TTBK2: variants seen among roughly 807,000 people sequenced by gnomAD.
TTBK2 encodes tau-tubulin kinase 2.
Under a neutral mutation model 110.8 loss-of-function variants are expected in TTBK2, and 28 were observed. The ratio of observed to expected loss-of-function variants is 0.25; its 90% CI spans 0.19 to 0.35. TTBK2 has a LOEUF of 0.35. TTBK2 is among the 10% of genes least tolerant of loss of function. The pLI is 1.00. For missense variants in TTBK2, 1,369 were observed against 1,500.3 expected, an observed-to-expected ratio of 0.91 and a Z score of 1.45; for synonymous variants, 532 against 527.3, an observed-to-expected ratio of 1.01 and a Z score of -0.12.
At chr15:42,855,376 A>G (rs999533250) in intron 3 of TTBK2, among the ~76,000 whole-genome samples, 6 of 152,192 alleles carry the variant, frequency 3.9e-5, no homozygotes, top group African/African-American at 1.4e-4. Context: ...AAGGAAACAG[A>G]GTTACTAGGA....
At chr15:42,857,623 G>A (rs1893994755) in intron 3 of TTBK2, 1 of 152,064 alleles carries the variant, frequency 6.6e-6, no homozygotes. Context: ...CTGGTCACCT[G>A]AGGAAATTCT....
At chr15:42,767,196 T>A (rs1290807109) in intron 13 of TTBK2, among the ~76,000 whole-genome samples, 2 of 152,050 alleles carry the variant, frequency 1.3e-5, no homozygotes, top group Admixed American at 1.3e-4. Context: ...GATCTAAAAT[T>A]GACACCCTAA....
chr15:42,760,845 G>A (rs147065417), intron 13 of TTBK2, among the ~76,000 whole-genome samples: 28 of 152,054 alleles, frequency 1.8e-4, no homozygotes, highest in South Asian at 1.0e-3. Context: ...AAAACAATCC[G>A]ACCCCAAATA....
chr15:42,811,989 T>C (rs1891741614), intron 7 of TTBK2, among the ~76,000 whole-genome samples: 1 of 152,182 alleles, frequency 6.6e-6, no homozygotes, highest in Non-Finnish European at 1.5e-5. Flanking sequence ...GAAAAACTTT[T>C]TGAAACAAAG....
intron 14 of TTBK2, among the ~76,000 whole-genome samples, chr15:42,748,131 C>A (rs113160097): frequency 4.7e-4 from 72 of 152,218 alleles, no homozygotes; most frequent in African/African-American, 1.7e-3. Flanking sequence ...GATAAAATAT[C>A]TTCAATATAA....
chr15:42,745,202 C>CA lies in TTBK2; in HGVS notation c.*592dup, dbSNP rs1408277261. 1 of 156,350 alleles carries CA rather than the reference C, an allele frequency of 6.4e-6. No homozygotes were observed. Among genetic ancestry groups the CA allele is most frequent in the African/African-American group, 2.4e-5 (1 of 41,266 alleles). 9.7% of individuals were successfully genotyped at this position (156,350 alleles called of 1,614,324 possible). A position where few individuals can be genotyped will look rare whatever the true frequency, so the allele number is the denominator to read the frequency against. On this transcript the variant is annotated 3_prime_UTR_variant, in exon 15 of 15. Coordinates refer to ENST00000267890, the MANE Select transcript of TTBK2 (RefSeq NM_173500.4). Reference sequence around the variant, plus strand: ...AGCAGAGAGATTGAATCAGACGAGACATACAAAATTTTAAAAAAAAATCTG... The same window carrying CA: ...AGCAGAGAGATTGAATCAGACGAGACAATACAAAATTTTAAAAAAAAATCTG...
rs371858440 is a variant in TTBK2, at chr15:42,752,459, G to A, written c.2787C>T (p.Thr929=). 9 of 1,614,058 alleles carry A rather than the reference G, an allele frequency of 5.6e-6. No homozygotes were observed. Among genetic ancestry groups the A allele is most frequent in the Non-Finnish European group, 7.6e-6 (9 of 1,180,040 alleles). ...CVSENEHGAP[T]RKDMVRSSFV... is the part of the protein sequence containing the mutation. ...AGGATGACCTAACCATATCCTTCCGGGTTGGGGCACCATGTTCATTCTCTG... is the reference window on the plus strand; with the variant it reads ...AGGATGACCTAACCATATCCTTCCGAGTTGGGGCACCATGTTCATTCTCTG... Residue 929 remains threonine, a synonymous_variant, in exon 14 of 15, where the codon ACC becomes ACT. Transcript: ENST00000267890.
chr15:42,807,396 C>T (rs1479776554), intron 9 of TTBK2, among the ~76,000 whole-genome samples: 3 of 151,806 alleles, frequency 2.0e-5, no homozygotes, highest in African/African-American at 7.3e-5. Context: ...ACCAGGATCA[C>T]GTGATCCTAT....
intron 9 of TTBK2, among the ~76,000 whole-genome samples, chr15:42,795,494 T>C (rs1187661597): frequency 2.6e-5 from 4 of 152,192 alleles, no homozygotes; most frequent in Admixed American, 2.0e-4. Flanking sequence ...TTTATGATTA[T>C]AGCTTTATTC....
At chr15:42,889,664 C>T (rs1468914346) in intron 1 of TTBK2, among the ~76,000 whole-genome samples, 4 of 152,172 alleles carry the variant, frequency 2.6e-5, no homozygotes, top group African/African-American at 9.7e-5. Context: ...TTCTTTTATT[C>T]AGACCTTGTA....
At chr15:42,896,453 A>G (rs1895672139) in intron 1 of TTBK2, among the ~76,000 whole-genome samples, 1 of 152,130 alleles carries the variant, frequency 6.6e-6, no homozygotes, top group Admixed American at 6.6e-5. Flanking sequence ...CACTCTACAC[A>G]AAATGTAACT....
intron 3 of TTBK2, among the ~76,000 whole-genome samples, chr15:42,865,224 T>C (rs914477237): frequency 4.6e-5 from 7 of 152,008 alleles, no homozygotes; most frequent in African/African-American, 1.7e-4. Flanking sequence ...GGTCAATTGA[T>C]GGAGGTCAGG....
intron 9 of TTBK2, among the ~76,000 whole-genome samples, chr15:42,805,427 G>A (rs1419710946): frequency 2.0e-5 from 3 of 152,138 alleles, no homozygotes; most frequent in African/African-American, 7.2e-5. Flanking sequence ...ATCTGAGTTG[G>A]GCTTTCAATT....
intron 1 of TTBK2, among the ~76,000 whole-genome samples, chr15:42,900,339 T>C (rs765081890): frequency 6.6e-6 from 1 of 152,192 alleles, no homozygotes; most frequent in Non-Finnish European, 1.5e-5. Flanking sequence ...ACAGTACATA[T>C]GTATGATCCC....
At chr15:42,802,441 C>A in intron 9 of TTBK2, 1 of 700,848 alleles carries the variant, frequency 1.4e-6, no homozygotes. Flanking sequence ...GACGGAATCC[C>A]AGAAGGAGTG....
chr15:42,802,182 GT>G, intron 9 of TTBK2: 1 of 1,198,144 alleles, frequency 8.3e-7, no homozygotes, highest in Non-Finnish European at 1.2e-6. Flanking sequence ...CCACCTCCAG[GT>G]TAAGAGGGCT....
intron 1 of TTBK2, among the ~76,000 whole-genome samples, chr15:42,918,014 G>C (rs1249160117): frequency 1.3e-5 from 2 of 151,792 alleles, no homozygotes; most frequent in East Asian, 3.9e-4. Flanking sequence ...GATCAACACA[G>C]TCCTTACTAG....
At position 42,844,721 on chromosome 15, in the gene TTBK2, T is replaced by C. The variant is rs957520835; in HGVS notation, c.218-4288A>G. Among the ~76,000 whole-genome samples the C allele has an allele frequency of 3.9e-5, 6 of 152,354 alleles. No homozygotes were observed. The East Asian group carries it at 9.6e-4, about 24-fold the overall frequency. ...GAAATAGAGGCCTAGGGAGGTTACT[T>C]TGTCCAAAATTACAACCAGAACATG... On this transcript the variant is annotated intron_variant, in intron 3 of 14. Transcript: ENST00000267890.
intron 7 of TTBK2, among the ~76,000 whole-genome samples, chr15:42,814,014 GT>G (rs1182852759): frequency 2.6e-5 from 4 of 152,104 alleles, no homozygotes; most frequent in Non-Finnish European, 4.4e-5. Context: ...GAGTTCAAGT[GT>G]TTTTTTGTTC....
Sources: gnomAD v4.1 joint callset for allele counts (sites outside exome capture counted in the v4.1 genomes callset) on GRCh38, gnomAD v4.1.1 for gene constraint, MANE v1.5 for transcripts, NCBI Gene and HGNC (gene_info 2026-07-23, HGNC 2026-07-21) for gene names.